Variants in FMN1 observed in about 807,000 individuals in gnomAD.
FMN1 encodes the protein formin-1.
A neutral mutation model predicts 132.4 loss-of-function variants in FMN1; 110 were observed. The ratio of observed to expected loss-of-function variants is 0.83; its 90% CI spans 0.71 to 0.97. The LOEUF (loss-of-function observed/expected upper bound fraction) is 0.97, where lower values mean the gene tolerates loss of function less well. Ranked by LOEUF, FMN1 falls within the 50% of genes least tolerant of loss-of-function variation. The probability of loss-of-function intolerance (pLI) is 0.00; values close to 1 mark genes in which losing one functional copy is unlikely to be tolerated. For missense variants in FMN1, 1,792 were observed against 1,705.3 expected (o/e 1.05, Z -0.90); for synonymous variants, 722 against 651.7 (o/e 1.11, Z -1.64).
At chr15:32,882,770 C>T (rs887972646) in intron 16 of FMN1, among the ~76,000 whole-genome samples, 16 of 152,186 alleles carry the variant, frequency 1.1e-4, no homozygotes, top group Middle Eastern at 6.8e-3. Flanking sequence ...TATTGGGCCT[C>T]CTGAATTTTA....
intron 19 of FMN1, among the ~76,000 whole-genome samples, chr15:32,793,203 T>C (rs2057153519): frequency 6.6e-6 from 1 of 152,216 alleles, no homozygotes; most frequent in South Asian, 2.1e-4. Flanking sequence ...ATTCATGGCA[T>C]ATTTTTAATT....
chr15:32,853,481 T>C (rs1236152147), intron 17 of FMN1, among the ~76,000 whole-genome samples: 1 of 152,238 alleles, frequency 6.6e-6, no homozygotes, highest in Non-Finnish European at 1.5e-5. Flanking sequence ...CTATAAACTG[T>C]ATGACAATTG....
At chr15:33,112,169 A>G (rs933012052) in intron 4 of FMN1, among the ~76,000 whole-genome samples, 5 of 152,162 alleles carry the variant, frequency 3.3e-5, no homozygotes, top group African/African-American at 1.2e-4. Flanking sequence ...ATGTCTAATA[A>G]TGGATTTAGT....
chr15:33,056,097 T>C (rs1198423043), intron 6 of FMN1, among the ~76,000 whole-genome samples: 2 of 152,182 alleles, frequency 1.3e-5, no homozygotes, highest in African/African-American at 4.8e-5. Flanking sequence ...ATGCTGCTGG[T>C]GGATGTATAA....
At chr15:32,883,949 AAC>A (rs1249111999) in intron 16 of FMN1, among the ~76,000 whole-genome samples, 1 of 152,194 alleles carries the variant, frequency 6.6e-6, no homozygotes, top group Non-Finnish European at 1.5e-5. Context: ...TTCAGAGAAC[AAC>A]AGTTCCAGTT....
rs1477450412 is a variant in FMN1 at position 32,910,635 on chromosome 15, T to C, written c.3227-100A>G. On this transcript the variant is annotated intron_variant, in intron 10 of 20. Transcript: ENST00000616417. The stretch of plus-strand genomic sequence containing the variant: ...AGCTTCCAAGCAATTAACAGAGTAT[T>C]GCGTTTTCTTACACAAGCTGTGCCT... 3.7e-5 allele frequency: 33 copies of C among 887,606 alleles called. 1 individual carries two copies. The South Asian group carries it at 4.1e-4, about 11-fold the overall frequency. The allele number at this position is 887,606 out of a possible 1,614,324, so 55.0% of individuals were successfully genotyped here.
chr15:33,095,108 G>A (rs2039032594), intron 4 of FMN1, among the ~76,000 whole-genome samples: 1 of 152,188 alleles, frequency 6.6e-6, no homozygotes, highest in Non-Finnish European at 1.5e-5. Flanking sequence ...AGCACTTTGG[G>A]AAGCTGAGGT....
chr15:33,099,594 G>A (rs1428841273), intron 4 of FMN1, among the ~76,000 whole-genome samples: 1 of 152,194 alleles, frequency 6.6e-6, no homozygotes, highest in Non-Finnish European at 1.5e-5. Context: ...TGATGGTACA[G>A]TGCCGTTCTT....
rs139985882 is a variant in FMN1 at position 32,886,429 on chromosome 15, T to C, written c.3835+1743A>G. ...TAAAATCGGCTGAGGAAAGTGTCAG[T>C]TGAGTACTGAGAGATCCGGAACGAC... On this transcript the variant is annotated intron_variant, in intron 16 of 20. Coordinates refer to ENST00000616417, the MANE Select transcript of FMN1 (RefSeq NM_001277313.2). Among the ~76,000 whole-genome samples the C allele has an allele frequency of 2.5e-3, 383 of 152,250 alleles. 2 individuals are homozygous for C. The highest frequency in any genetic ancestry group is 8.9e-3 in the African/African-American group (371 of 41,526).
At chr15:33,063,929 A>T (rs967223701) in intron 6 of FMN1, 7 of 152,208 alleles carry the variant, frequency 4.6e-5, no homozygotes, top group African/African-American at 1.7e-4. Context: ...ATTTTCATTA[A>T]GGATATGAGT....
At chr15:32,942,002 C>T (rs767845908) in intron 9 of FMN1, among the ~76,000 whole-genome samples, 1 of 152,194 alleles carries the variant, frequency 6.6e-6, no homozygotes, top group Non-Finnish European at 1.5e-5. Context: ...ATTCCACTGA[C>T]CTACAAGCTG....
chr15:33,005,198 T>TA (rs397800658), intron 7 of FMN1, among the ~76,000 whole-genome samples: 3,669 of 143,514 alleles, frequency 0.026, 129 homozygotes, highest in African/African-American at 0.083. Flanking sequence ...ATAATAATAT[T>TA]AAAAAAAAAA....
In FMN1 at chr15:32,968,915, G is replaced by A. The variant is rs554492806; in HGVS notation, c.2786C>T (p.Pro929Leu). The A allele has an allele frequency of 1.4e-6, 1 of 718,154 alleles. No homozygotes were observed. The highest frequency in any genetic ancestry group is 2.7e-5 in the East Asian group (1 of 36,702). The allele number at this position is 718,154 out of a possible 1,614,324, so 44.5% of individuals were successfully genotyped here. Residue 929 changes from proline (P) to leucine (L), a missense_variant, in exon 8 of 21, where the codon CCA becomes CTA. Pro to Leu is a moderately conservative substitution (Grantham distance 98, BLOSUM62 -3). Around this residue, in one of 3 missense-constraint regions of FMN1, gnomAD observed 1,150 missense variants for 1,043.1 expected, o/e 1.10. Transcript: ENST00000616417. ...GGGTGGGGCAGGGGAGTTAGGAAGT[G>A]GGGGTGGGGGTGGGGGTGGTGGAGG... The part of the protein sequence containing the change: ...AGPPPPPPPP[P>L]LPNSPAPPNP...
intron 17 of FMN1, among the ~76,000 whole-genome samples, chr15:32,848,921 G>GT (rs1259884605): frequency 1.3e-5 from 2 of 149,626 alleles, no homozygotes; most frequent in Non-Finnish European, 3.0e-5. Context: ...CAGGCAACCT[G>GT]TATGGGTGTT....
At chr15:33,013,470 CAGG>C (rs952438067) in intron 6 of FMN1, among the ~76,000 whole-genome samples, 30 of 122,918 alleles carry the variant, frequency 2.4e-4, no homozygotes, top group African/African-American at 7.4e-4. Flanking sequence ...TGGTGGTTTC[CAGG>C]AGAAGATGAA....
At chr15:33,119,909 GTGTTT>G (rs1428257306) in intron 4 of FMN1, among the ~76,000 whole-genome samples, 1 of 152,168 alleles carries the variant, frequency 6.6e-6, no homozygotes, top group East Asian at 1.9e-4. Flanking sequence ...ATGAGACTTT[GTGTTT>G]ATATTGTGTC....
chr15:33,175,958 C>T (rs943461276), intron 3 of FMN1, among the ~76,000 whole-genome samples: 3 of 152,050 alleles, frequency 2.0e-5, no homozygotes, highest in Non-Finnish European at 2.9e-5. Context: ...GCAATTTATC[C>T]GAATATTGTA....
chr15:33,059,924 G>A (rs1382528398), intron 6 of FMN1, among the ~76,000 whole-genome samples: 2 of 152,160 alleles, frequency 1.3e-5, no homozygotes, highest in African/African-American at 2.4e-5. Context: ...TCTCCTAAAA[G>A]CCAAGCTTTA....
At chr15:32,870,408 C>A (rs2059488091) in intron 16 of FMN1, among the ~76,000 whole-genome samples, 2 of 152,172 alleles carry the variant, frequency 1.3e-5, no homozygotes, top group Non-Finnish European at 2.9e-5. Flanking sequence ...CTGAGGGAGG[C>A]TGCCCAAGAT....
Sources: gnomAD v4.1 joint callset for allele counts (sites outside exome capture counted in the v4.1 genomes callset) on GRCh38, gnomAD v4.1.1 for gene constraint, gnomAD v4.1.1 regional missense constraint, MANE v1.5 for transcripts, NCBI Gene and HGNC (gene_info 2026-07-23, HGNC 2026-07-21) for gene names.